The following MDGA2 variants were observed in gnomAD, a reference collection of about 807,000 sequenced individuals.
MDGA2 encodes MAM domain containing glycosylphosphatidylinositol anchor 2, also known as MAM domain-containing glycosylphosphatidylinositol anchor protein 2.
A neutral mutation model predicts 117.8 loss-of-function variants in MDGA2; 40 were observed. That is an observed-to-expected ratio of 0.34 (90% CI 0.26 to 0.44). The LOEUF (loss-of-function observed/expected upper bound fraction) is 0.44, where lower values mean the gene tolerates loss of function less well. MDGA2 is among the 20% of genes least tolerant of loss of function. The probability of loss-of-function intolerance (pLI) is 1.00; values close to 1 mark genes in which losing one functional copy is unlikely to be tolerated. For missense variants in MDGA2, 1,123 were observed against 1,250.6 expected, an observed-to-expected ratio of 0.90 and a Z score of 1.54; for synonymous variants, 452 against 439.0, an observed-to-expected ratio of 1.03 and a Z score of -0.37.
rs1460738967 is a variant in MDGA2, at chr14:47,043,738, C to T, written c.1526-8434G>A. On this transcript the variant is annotated intron_variant, in intron 7 of 16. Transcript: ENST00000399232. ...GTGTTTCTGTGGAAAGCTCTCTATT[C>T]AATTGAGGCTGGTCTTTTCAACTGC... is the stretch of plus-strand genomic sequence containing the variant. Among the ~76,000 whole-genome samples, 6 of 152,078 alleles carry T rather than the reference C, an allele frequency of 3.9e-5. No homozygotes were observed. In the South Asian group the frequency reaches 1.2e-3, roughly 31 times the overall value.
At chr14:47,106,120 C>A (rs147502940) in intron 5 of MDGA2, among the ~76,000 whole-genome samples, 6,417 of 152,170 alleles carry the variant, frequency 0.042, 190 homozygotes, top group Non-Finnish European at 0.063. Flanking sequence ...AAAATCCAGC[C>A]CAGTTCATGG....
At chr14:46,984,174 A>G (rs1352743328) in intron 8 of MDGA2, among the ~76,000 whole-genome samples, 1 of 151,982 alleles carries the variant, frequency 6.6e-6, no homozygotes, top group Admixed American at 6.6e-5. Context: ...GTTATCAAAC[A>G]CAGAAAATCA....
intron 3 of MDGA2, among the ~76,000 whole-genome samples, chr14:47,182,855 A>C (rs1884763850): frequency 6.6e-6 from 1 of 152,028 alleles, no homozygotes; most frequent in Admixed American, 6.6e-5. Context: ...TTTTTTTGGG[A>C]AACTTTTTAT....
chr14:47,188,998 T>C (rs1334714360), intron 3 of MDGA2, among the ~76,000 whole-genome samples: 1 of 152,184 alleles, frequency 6.6e-6, no homozygotes, highest in African/African-American at 2.4e-5. Context: ...AGGTTCTGTC[T>C]GTATAATACT....
At chr14:47,149,676 A>C (rs1883087304) in intron 3 of MDGA2, among the ~76,000 whole-genome samples, 1 of 152,148 alleles carries the variant, frequency 6.6e-6, no homozygotes, top group African/African-American at 2.4e-5. Context: ...TTTATACTTT[A>C]TTTAGTGGAG....
chr14:46,904,301 G>A (rs1352158052), intron 10 of MDGA2, among the ~76,000 whole-genome samples: 6 of 151,148 alleles, frequency 4.0e-5, no homozygotes, highest in Non-Finnish European at 8.8e-5. Context: ...AAACCCGAAA[G>A]GCAGAGGTTG....
chr14:47,405,058 C>A (rs1328813089), intron 1 of MDGA2, among the ~76,000 whole-genome samples: 1 of 152,080 alleles, frequency 6.6e-6, no homozygotes, highest in Non-Finnish European at 1.5e-5. Context: ...TTAATCGGTG[C>A]TTTCTAAGCA....
At chr14:47,251,623 C>T (rs530822160) in intron 2 of MDGA2, among the ~76,000 whole-genome samples, 2 of 152,186 alleles carry the variant, frequency 1.3e-5, no homozygotes, top group East Asian at 3.9e-4. Flanking sequence ...GTACAGCTAC[C>T]ACAAATAAAT....
intron 1 of MDGA2, among the ~76,000 whole-genome samples, chr14:47,414,439 A>G (rs575553614): frequency 2.4e-4 from 37 of 152,312 alleles, no homozygotes; most frequent in African/African-American, 8.9e-4. Context: ...CAAAGTGCTC[A>G]GTAAATGTTG....
intron 1 of MDGA2, among the ~76,000 whole-genome samples, chr14:47,329,437 AGT>A (rs2139905337): frequency 6.6e-6 from 1 of 152,276 alleles, no homozygotes; most frequent in East Asian, 1.9e-4. Flanking sequence ...AGTGAACCTT[AGT>A]AGTTCCTAGC....
chr14:46,957,258 A>C, intron 9 of MDGA2, 116 bp downstream of exon 9: 3 of 1,001,960 alleles, frequency 3.0e-6, no homozygotes, highest in Non-Finnish European at 4.3e-6. Flanking sequence ...TTGAGGAGTC[A>C]AGCTGTTCTA....
intron 9 of MDGA2, among the ~76,000 whole-genome samples, chr14:46,922,853 G>C (rs1884183159): frequency 6.6e-6 from 1 of 152,214 alleles, no homozygotes; most frequent in Non-Finnish European, 1.5e-5. Context: ...TCTGGGGCAA[G>C]ACTGAGAGAC....
At chr14:47,528,034 C>T (rs925292335) in intron 1 of MDGA2, among the ~76,000 whole-genome samples, 3 of 152,190 alleles carry the variant, frequency 2.0e-5, no homozygotes, top group African/African-American at 7.2e-5. Flanking sequence ...AAGACTCCTT[C>T]TTTAGATGTT....
intron 1 of MDGA2, among the ~76,000 whole-genome samples, chr14:47,507,659 T>C (rs559710200): frequency 1.1e-4 from 16 of 152,304 alleles, no homozygotes; most frequent in East Asian, 1.9e-4. Context: ...CCTAGTGATA[T>C]AGGTAATGCA....
intron 3 of MDGA2, among the ~76,000 whole-genome samples, chr14:47,173,369 G>A (rs1296025552): frequency 6.6e-6 from 1 of 151,820 alleles, no homozygotes; most frequent in Non-Finnish European, 1.5e-5. Context: ...AAGTTGAAAT[G>A]AAGGAAAAAA....
chr14:47,597,073 A>G (rs1050441488), intron 1 of MDGA2, among the ~76,000 whole-genome samples: 9 of 152,134 alleles, frequency 5.9e-5, no homozygotes, highest in Non-Finnish European at 1.2e-4. Context: ...CCTTCTTACT[A>G]TATAGATGAC....
chr14:47,440,130 CAT>C (rs1481944420), intron 1 of MDGA2, among the ~76,000 whole-genome samples: 1 of 152,036 alleles, frequency 6.6e-6, no homozygotes, highest in African/African-American at 2.4e-5. Flanking sequence ...TTCCCCATCA[CAT>C]GTGTCGGCTC....
At chr14:47,029,896 C>T (rs1018780021) in intron 8 of MDGA2, among the ~76,000 whole-genome samples, 5 of 151,818 alleles carry the variant, frequency 3.3e-5, no homozygotes, top group South Asian at 4.2e-4. Context: ...GGCAAAATCT[C>T]GGGTCACTGC....
intron 8 of MDGA2, among the ~76,000 whole-genome samples, chr14:47,029,011 T>C (rs945152368): frequency 6.6e-6 from 1 of 152,110 alleles, no homozygotes; most frequent in Non-Finnish European, 1.5e-5. Flanking sequence ...ATTTTGCTTT[T>C]AGAAAATCAC....
Sources: allele counts gnomAD v4.1 joint callset (sites outside exome capture counted in the v4.1 genomes callset), GRCh38; gene constraint gnomAD v4.1.1; transcripts MANE v1.5; gene names NCBI Gene and HGNC (gene_info 2026-07-23, HGNC 2026-07-21).